Variants in EXOC6B observed in about 807,000 individuals in gnomAD.
EXOC6B encodes the protein SEC15 homolog B.
Under a neutral mutation model 113.5 loss-of-function variants are expected in EXOC6B, and 54 were observed. The ratio of observed to expected loss-of-function variants is 0.48; its 90% CI spans 0.38 to 0.60. EXOC6B has a LOEUF of 0.60. EXOC6B is among the 20% of genes least tolerant of loss of function. The pLI, the probability that EXOC6B is intolerant of heterozygous loss-of-function variation, is 0.00. For synonymous variants in EXOC6B, 357 were observed against 339.0 expected, an observed-to-expected ratio of 1.05 and a Z score of -0.58; for missense variants, 797 against 977.5, an observed-to-expected ratio of 0.82 and a Z score of 2.46.
At chr2:72,619,387 A>G (rs1223198305) in intron 6 of EXOC6B, among the ~76,000 whole-genome samples, 1 of 152,202 alleles carries the variant, frequency 6.6e-6, no homozygotes, top group Non-Finnish European at 1.5e-5. Context: ...AGCATTTCCC[A>G]TGGATTGTCC....
rs565783299 is a variant in EXOC6B at position 72,292,990 on chromosome 2, G to A, written c.2196+41957C>T. Among the ~76,000 whole-genome samples the A allele has an allele frequency of 1.2e-4, 18 of 152,230 alleles. No individual in the cohort carries two copies. The South Asian group carries it at 3.1e-3, about 26-fold the overall frequency. On this transcript the variant is annotated intron_variant, in intron 20 of 21. Transcript: ENST00000272427. Reference sequence around the variant, plus strand: ...TGGCCATTATGAATAAAGCTGCTTTGAACATTCATGGACAAGTTTTAGTGC... The same window carrying A: ...TGGCCATTATGAATAAAGCTGCTTTAAACATTCATGGACAAGTTTTAGTGC...
At chr2:72,592,987 A>G (rs1271337004) in intron 6 of EXOC6B, among the ~76,000 whole-genome samples, 2 of 152,180 alleles carry the variant, frequency 1.3e-5, no homozygotes, top group Non-Finnish European at 2.9e-5. Context: ...GAAGAAAAGA[A>G]GAGGTGGAAA....
intron 6 of EXOC6B, among the ~76,000 whole-genome samples, chr2:72,593,977 T>A (rs1210708760): frequency 6.6e-6 from 1 of 152,092 alleles, no homozygotes; most frequent in Non-Finnish European, 1.5e-5. Flanking sequence ...TGGTTGTTGT[T>A]ATTGTTGTTG....
chr2:72,642,922 AAAAC>A (rs1673375083), intron 6 of EXOC6B, among the ~76,000 whole-genome samples: 1 of 148,994 alleles, frequency 6.7e-6, no homozygotes, highest in Non-Finnish European at 1.5e-5. Flanking sequence ...TTACAAGAAA[AAAAC>A]AAACAACCCC....
chr2:72,728,911 T>C (rs989916222), intron 5 of EXOC6B, among the ~76,000 whole-genome samples: 4 of 152,298 alleles, frequency 2.6e-5, no homozygotes, highest in Non-Finnish European at 2.9e-5. Flanking sequence ...CATGGAGTGA[T>C]TAAAACGAGC....
rs894333643 is a variant in EXOC6B, at chr2:72,179,423, T to C, written c.2348A>G (p.Gln783Arg). ...CTTGTCTCGCTCATTTTTCCGAAAC[T>C]GTGCAAACATGTTGTTCTTGCGGCT... ...DTSRKNNMFA[Q>R]FRKNERDKQK... is the part of the protein sequence containing the mutation. Residue 783 changes from glutamine to arginine, a missense_variant, in exon 22 of 22, where the codon CAG becomes CGG. Physicochemically the swap from Gln to Arg is conservative, Grantham distance 43. Transcript: ENST00000272427. The C allele has an allele frequency of 1.2e-6, 2 of 1,613,880 alleles. No individual in the cohort carries two copies. The highest frequency in any genetic ancestry group is 1.7e-6 in the Non-Finnish European group (2 of 1,179,868).
chr2:72,450,394 G>A (rs1184706775), intron 18 of EXOC6B, among the ~76,000 whole-genome samples: 1 of 152,120 alleles, frequency 6.6e-6, no homozygotes, highest in East Asian at 1.9e-4. Flanking sequence ...GAAAGACAGA[G>A]GTCACATGAC....
At chr2:72,540,988 C>A (rs552924706) in intron 8 of EXOC6B, among the ~76,000 whole-genome samples, 1 of 152,142 alleles carries the variant, frequency 6.6e-6, no homozygotes, top group East Asian at 1.9e-4. Context: ...TTGTGACTGG[C>A]ATTTGATATG....
intron 3 of EXOC6B, among the ~76,000 whole-genome samples, chr2:72,732,706 G>A (rs545007196): frequency 4.6e-5 from 7 of 152,284 alleles, no homozygotes; most frequent in African/African-American, 1.7e-4. Context: ...GAATGCACGG[G>A]TGAGAGTGAG....
intron 18 of EXOC6B, among the ~76,000 whole-genome samples, chr2:72,383,753 C>T (rs1352273408): frequency 3.9e-5 from 6 of 151,984 alleles, no homozygotes; most frequent in African/African-American, 9.7e-5. Flanking sequence ...AACCAAAATG[C>T]CCATCAACAG....
intron 19 of EXOC6B, among the ~76,000 whole-genome samples, chr2:72,363,816 T>C (rs531040646): frequency 9.6e-4 from 146 of 152,196 alleles, no homozygotes; most frequent in Middle Eastern, 3.4e-3. Flanking sequence ...ACACTAAAAG[T>C]AAGTGGGAAC....
intron 6 of EXOC6B, among the ~76,000 whole-genome samples, chr2:72,693,643 A>T (rs766199761): frequency 3.9e-5 from 6 of 152,198 alleles, no homozygotes; most frequent in Non-Finnish European, 8.8e-5. Context: ...GATGAGATAC[A>T]TCAAGGTTTG....
intron 19 of EXOC6B, among the ~76,000 whole-genome samples, chr2:72,350,594 T>TA (rs1224175407): frequency 1.3e-5 from 2 of 152,100 alleles, no homozygotes; most frequent in Non-Finnish European, 2.9e-5. Flanking sequence ...AAACAAATTT[T>TA]AAAAAATAAA....
At chr2:72,209,227 A>C (rs1680019323) in intron 20 of EXOC6B, among the ~76,000 whole-genome samples, 1 of 81,058 alleles carries the variant, frequency 1.2e-5, no homozygotes, top group African/African-American at 1.2e-4. Context: ...CAGTCTCAAA[A>C]AAAAAAAAAA....
chr2:72,441,615 T>TATA (rs1696206753), intron 18 of EXOC6B, among the ~76,000 whole-genome samples: 1 of 152,152 alleles, frequency 6.6e-6, no homozygotes, highest in Non-Finnish European at 1.5e-5. Flanking sequence ...TATAAACACC[T>TATA]CTATGCATAT....
At chr2:72,514,767 C>A (rs902738234) in intron 9 of EXOC6B, 87 bp from the exon 10 acceptor site, 1 of 772,604 alleles carries the variant, frequency 1.3e-6, no homozygotes, top group South Asian at 1.9e-5. Flanking sequence ...TCTCTTAAGG[C>A]TCAGCTCCCT....
intron 20 of EXOC6B, among the ~76,000 whole-genome samples, chr2:72,233,622 C>T (rs1681771039): frequency 6.6e-6 from 1 of 152,178 alleles, no homozygotes; most frequent in African/African-American, 2.4e-5. Context: ...CCAGGGGGAC[C>T]TCTACAAGCC....
At chr2:72,705,258 C>G (rs1164747309) in intron 6 of EXOC6B, among the ~76,000 whole-genome samples, 1 of 152,122 alleles carries the variant, frequency 6.6e-6, no homozygotes, top group Non-Finnish European at 1.5e-5. Context: ...CAGAAAAAGC[C>G]TTTGACAAAA....
At chr2:72,765,769 C>T (rs778247397) in intron 1 of EXOC6B, among the ~76,000 whole-genome samples, 2 of 152,160 alleles carry the variant, frequency 1.3e-5, no homozygotes, top group Non-Finnish European at 2.9e-5. Context: ...AAGAATGGGT[C>T]TGCCAATATG....
Sources: allele counts gnomAD v4.1 joint callset (sites outside exome capture counted in the v4.1 genomes callset), GRCh38; gene constraint gnomAD v4.1.1; transcripts MANE v1.5; gene names NCBI Gene and HGNC (gene_info 2026-07-23, HGNC 2026-07-21).